KCNA3: variants seen among roughly 807,000 people sequenced by gnomAD.
The protein encoded by KCNA3 is potassium voltage-gated channel subfamily A member 3, also known as RP11-284N8.3.
In KCNA3, 18 loss-of-function variants were observed where a neutral mutation model predicts 34.3. That is an observed-to-expected ratio of 0.52 (90% CI 0.36 to 0.78). The LOEUF is 0.78. Ranked by LOEUF, KCNA3 falls within the 30% of genes least tolerant of loss-of-function variation. The pLI, the probability that KCNA3 is intolerant of heterozygous loss-of-function variation, is 0.00. For synonymous variants in KCNA3, 324 were observed against 351.7 expected, an observed-to-expected ratio of 0.92 and a Z score of 0.88; for missense variants, 587 against 802.5, an observed-to-expected ratio of 0.73 and a Z score of 3.24.
chr1:110,674,363 G>C lies in KCNA3; in HGVS notation c.447C>G (p.Phe149Leu), dbSNP rs1350078299. The C allele has an allele frequency of 6.2e-7, 1 of 1,614,036 alleles. No individual in the cohort carries two copies. The highest frequency in any genetic ancestry group is 8.5e-7 in the Non-Finnish European group (1 of 1,180,014). The change falls in exon 1 of 1, where the codon TTC (phenylalanine) becomes TTG (leucine). Residue 149 changes from phenylalanine (F) to leucine (L), a missense_variant. Phe to Leu is a conservative substitution (Grantham distance 22). Transcript: ENST00000369769. This position sits in a 1 kb window ranked among gnomAD's most constrained non-coding sequence, Gnocchi z 6.4. ...CGTCGAAGCTGGGCCGGTTGCGGTC[G>C]AAGAAGTACTCGTTGCGGAGCGGGT... ...YFDPLRNEYF[F>L]DRNRPSFDAI... is the part of the protein sequence containing the mutation.
At chr1:110,669,947 A>G (rs911278934), downstream of KCNA3, among the ~76,000 whole-genome samples, 1 of 152,114 alleles carries the variant, frequency 6.6e-6, no homozygotes, top group Admixed American at 6.5e-5. Flanking sequence ...TCTTAGCAAA[A>G]TCTCTGATGC....
At chr1:110,659,454 T>C in the KCNA3 span, among the ~76,000 whole-genome samples, 29 of 152,284 alleles carry the variant, frequency 1.9e-4, no homozygotes, top group African/African-American at 6.0e-4. Flanking sequence ...AATAAAAATA[T>C]GTGCTGGCAG....
chr1:110,668,804 A>C (rs1257050445), downstream of KCNA3, among the ~76,000 whole-genome samples: 1 of 152,138 alleles, frequency 6.6e-6, no homozygotes, highest in African/African-American at 2.4e-5. Context: ...CCTCACATGA[A>C]TCTCTTGCTA....
chr1:110,664,129 A>G, the KCNA3 span, among the ~76,000 whole-genome samples: 23 of 152,202 alleles, frequency 1.5e-4, no homozygotes, highest in Non-Finnish European at 2.5e-4. Context: ...GACTGAACTT[A>G]TAGGGAAGTT....
the KCNA3 span, among the ~76,000 whole-genome samples, chr1:110,658,229 A>G: frequency 1.3e-5 from 2 of 152,308 alleles, no homozygotes; most frequent in East Asian, 3.9e-4. Flanking sequence ...ATACAATGCA[A>G]TTCATCACTT....
chr1:110,674,657 G>A lies in KCNA3; in HGVS notation c.153C>T (p.Pro51=). 8 of 1,525,032 alleles carry A rather than the reference G, an allele frequency of 5.2e-6. No homozygotes were observed. The highest frequency in any genetic ancestry group is 6.1e-6 in the Non-Finnish European group (7 of 1,147,304). 94.5% of individuals were successfully genotyped at this position (1,525,032 alleles called of 1,614,324 possible). ...AEPAAGRELP[P]DMTVVPGDHL... is the part of the protein sequence containing the mutation. ...GGTCCCCGGGCACCACGGTCATGTCGGGCGGCAGCTCGCGGCCTGCGGCGG... is the reference window on the plus strand; with the variant it reads ...GGTCCCCGGGCACCACGGTCATGTCAGGCGGCAGCTCGCGGCCTGCGGCGG... Residue 51 remains proline, a synonymous_variant, in exon 1 of 1, where the codon CCC becomes CCT. Coordinates refer to ENST00000369769, the MANE Select transcript of KCNA3 (RefSeq NM_002232.5). The surrounding 1 kb of genome is among the most constrained non-coding windows in gnomAD (Gnocchi z 6.4).
At position 110,673,295 on chromosome 1, in the gene KCNA3, G is replaced by A. The variant is rs758744500; in HGVS notation, c.1515C>T (p.Cys505=). ...EQSQYMHVGS[C]QHLSSSAEEL... is the part of the protein sequence containing the mutation. ...CCTCGGCTGAAGAGGAGAGGTGCTG[G>A]CAACTTCCCACGTGCATGTACTGGG... Residue 505 remains cysteine, a synonymous_variant, in exon 1 of 1, where the codon TGC becomes TGT. Transcript: ENST00000369769. This position sits in a 1 kb window ranked among gnomAD's most constrained non-coding sequence, Gnocchi z 8.8. The A allele has an allele frequency of 9.3e-6, 15 of 1,613,878 alleles. No homozygotes were observed. The Admixed American group carries it at 2.5e-4, about 27-fold the overall frequency.
Position 110,673,934 on chromosome 1 carries a change from G to A in KCNA3, c.876C>T (p.Ser292=), listed in dbSNP as rs774981414. ...SGSRAGASSF[S]DPFFVVETLC... ...GCGTCTCCACCACGAAGAAGGGATC[G>A]GAGAAGCTGGAGGCTCCTGCGCGGG... Residue 292 remains serine (S), a synonymous_variant, in exon 1 of 1, where the codon TCC becomes TCT. Transcript: ENST00000369769. This position sits in a 1 kb window ranked among gnomAD's most constrained non-coding sequence, Gnocchi z 8.8. 24 of 1,613,990 alleles carry A rather than the reference G, an allele frequency of 1.5e-5. No homozygotes were observed. The highest frequency in any genetic ancestry group is 1.8e-5 in the Non-Finnish European group (21 of 1,180,022).
At chr1:110,663,895 C>CA in the KCNA3 span, among the ~76,000 whole-genome samples, 10 of 152,064 alleles carry the variant, frequency 6.6e-5, no homozygotes, top group Non-Finnish European at 1.5e-4. Flanking sequence ...ACAATCACTT[C>CA]AAAAAATAGC....
At chr1:110,666,470 G>A in the KCNA3 span, among the ~76,000 whole-genome samples, 1 of 152,094 alleles carries the variant, frequency 6.6e-6, no homozygotes, top group South Asian at 2.1e-4. Flanking sequence ...AAGGAAGGGA[G>A]AAATATAAGC....
At chr1:110,662,306 TAAG>T in the KCNA3 span, among the ~76,000 whole-genome samples, 1 of 151,700 alleles carries the variant, frequency 6.6e-6, no homozygotes, top group Non-Finnish European at 1.5e-5. Context: ...GAAAAGAGAA[TAAG>T]AATAGTCAAA....
downstream of KCNA3, among the ~76,000 whole-genome samples, chr1:110,671,345 A>T (rs1651884058): frequency 6.6e-6 from 1 of 152,234 alleles, no homozygotes; most frequent in Non-Finnish European, 1.5e-5. Context: ...AATTATTTTT[A>T]AAAAGACACC....
rs775540479 is a variant in KCNA3, at chr1:110,674,590, G to C, written c.220C>G (p.Pro74Ala). The change falls in exon 1 of 1, where the codon CCT (proline) becomes GCT (alanine). Residue 74 changes from proline to alanine, a missense_variant. Pro to Ala is a conservative substitution (Grantham distance 27). Transcript: ENST00000369769. The surrounding 1 kb of genome is among the most constrained non-coding windows in gnomAD (Gnocchi z 6.4). The stretch of plus-strand genomic sequence containing the variant: ...CCGCCGCCGCCACAGCCGCCTTGAG[G>C]CGGGGCCCCTCCACCATCGGCCACC... ...PEVADGGGAP[P>A]QGGCGGGGCD... 2 of 1,569,894 alleles carry C rather than the reference G, an allele frequency of 1.3e-6. No individual in the cohort carries two copies. Among genetic ancestry groups the C allele is most frequent in the Non-Finnish European group, 1.7e-6 (2 of 1,161,336 alleles).
chr1:110,667,068 GGTGT>G, the KCNA3 span, among the ~76,000 whole-genome samples: 1 of 150,832 alleles, frequency 6.6e-6, no homozygotes, highest in East Asian at 1.9e-4. Context: ...ACAGGTGAGG[GGTGT>G]GTGTGTGTGT....
At chr1:110,669,214 G>A (rs1430570084), downstream of KCNA3, among the ~76,000 whole-genome samples, 1 of 152,160 alleles carries the variant, frequency 6.6e-6, no homozygotes, top group African/African-American at 2.4e-5. Flanking sequence ...TTCAGTAAAT[G>A]AAGCAAAGCA....
rs772195154 is a variant in KCNA3 at position 110,673,106 on chromosome 1, G to A, written c.1704C>T (p.Ile568=). 8 of 1,612,018 alleles carry A rather than the reference G, an allele frequency of 5.0e-6. No individual in the cohort carries two copies. Among genetic ancestry groups the A allele is most frequent in the Non-Finnish European group, 6.8e-6 (8 of 1,179,094 alleles). The change falls in exon 1 of 1, where the codon ATC becomes ATT. Residue 568 remains isoleucine (I), a synonymous_variant. Transcript: ENST00000369769. This position sits in a 1 kb window ranked among gnomAD's most constrained non-coding sequence, Gnocchi z 8.8. ...TNNNPNSCVN[I]KKIFTDV ...ATTAAACATCGGTGAATATCTTTTTGATGTTGACACAAGAGTTGGGATTAT... is the reference window on the plus strand; with the variant it reads ...ATTAAACATCGGTGAATATCTTTTTAATGTTGACACAAGAGTTGGGATTAT...
chr1:110,673,520 G>A lies in KCNA3; in HGVS notation c.1290C>T (p.Ser430=), dbSNP rs910439685. The change falls in exon 1 of 1, where the codon AGC becomes AGT. Residue 430 remains serine (S), a synonymous_variant. Transcript: ENST00000369769. This position sits in a 1 kb window ranked among gnomAD's most constrained non-coding sequence, Gnocchi z 8.8. ...CTGCCCACCAGAAGGCATCCGGGAT[G>A]CTGCTGAAACCTGAAGTGGGGTCGT... ...EADDPTSGFS[S]IPDAFWWAVV... 2.5e-6 allele frequency: 4 copies of A among 1,614,074 alleles called. No homozygotes were observed. The highest frequency in any genetic ancestry group is 1.3e-5 in the African/African-American group (1 of 74,920).
At chr1:110,663,342 T>C in the KCNA3 span, among the ~76,000 whole-genome samples, 1 of 152,204 alleles carries the variant, frequency 6.6e-6, no homozygotes. Flanking sequence ...CATGTGAGCT[T>C]AACTGCATAA....
At chr1:110,659,093 T>G in the KCNA3 span, among the ~76,000 whole-genome samples, 1 of 151,970 alleles carries the variant, frequency 6.6e-6, no homozygotes, top group Non-Finnish European at 1.5e-5. Context: ...AAAACACACC[T>G]TCACAAATAA....
Sources: allele counts gnomAD v4.1 joint callset (sites outside exome capture counted in the v4.1 genomes callset), GRCh38; gene constraint gnomAD v4.1.1; non-coding constraint Gnocchi (gnomAD v3.1); transcripts MANE v1.5; gene names NCBI Gene and HGNC (gene_info 2026-07-23, HGNC 2026-07-21).